SEC16A: variants seen among roughly 807,000 people sequenced by gnomAD.
The protein encoded by SEC16A is SEC16 homolog A, endoplasmic reticulum export factor, also known as protein transport protein Sec16A.
A neutral mutation model predicts 221.9 loss-of-function variants in SEC16A; 110 were observed. The ratio of observed to expected loss-of-function variants is 0.50; its 90% confidence interval spans 0.42 to 0.58. SEC16A has a LOEUF of 0.58. Ranked by LOEUF, SEC16A falls within the 20% of genes least tolerant of loss-of-function variation. SEC16A has a pLI of 0.00. For synonymous variants in SEC16A, 1,393 were observed against 1,257.7 expected (o/e 1.11, Z -2.28); for missense variants, 3,165 against 3,097.8 (o/e 1.02, Z -0.52).
upstream of SEC16A, chr9:136,483,653 A>T (rs1472936599): frequency 5.1e-6 from 5 of 985,588 alleles, no homozygotes; most frequent in Non-Finnish European, 6.0e-6. Flanking sequence ...TCAAGGCCAC[A>T]AGCGGGAAAT....
upstream of SEC16A, chr9:136,483,436 C>A: frequency 2.0e-5 from 15 of 741,978 alleles, no homozygotes; most frequent in South Asian, 6.0e-5. Flanking sequence ...GTTCCCGCCC[C>A]TTTGGCCCCG....
intron 22 of SEC16A, among the ~76,000 whole-genome samples, chr9:136,452,429 G>A (rs190300375): frequency 4.5e-4 from 50 of 110,242 alleles, no homozygotes; most frequent in African/African-American, 1.1e-3. Flanking sequence ...CAGGCTGGGC[G>A]ACAGAGAGAA....
chr9:136,466,612 A>C lies in SEC16A; in HGVS notation c.3930-150T>G. ...CGACACTCAGGGCCCTCTGACGTGC[A>C]ACGTTAGAGAAGTACTGCGAATGCG... is the stretch of plus-strand genomic sequence containing the variant. On this transcript the variant is annotated intron_variant, in intron 6 of 31. Coordinates refer to ENST00000684901, the MANE Select transcript of SEC16A (RefSeq NM_014866.2). The surrounding 1 kb of genome is among the most constrained non-coding windows in gnomAD (Gnocchi z 5.5). 1 of 744,396 alleles carries C rather than the reference A, an allele frequency of 1.3e-6. No individual in the cohort carries two copies. The highest frequency in any genetic ancestry group is 2.1e-6 in the Non-Finnish European group (1 of 467,408). 46.1% of individuals were successfully genotyped at this position (744,396 alleles called of 1,614,324 possible). A position where few individuals can be genotyped will look rare whatever the true frequency, so the allele number is the denominator to read the frequency against.
Position 136,475,585 on chromosome 9 carries a change from C to T in SEC16A, c.2031G>A (p.Leu677=), listed in dbSNP as rs2132903485. The T allele has an allele frequency of 1.9e-6, 3 of 1,613,508 alleles. No individual in the cohort carries two copies. The highest frequency in any genetic ancestry group is 4.5e-5 in the East Asian group (2 of 44,862). The change falls in exon 3 of 32, where the codon CTG becomes CTA. Residue 677 remains leucine (L), a synonymous_variant. Transcript: ENST00000684901. This position sits in a 1 kb window ranked among gnomAD's most constrained non-coding sequence, Gnocchi z 5.0. The part of the protein sequence containing the change: ...ETLCAPQVCP[L]PLNSTTEAVH... ...CAGCTTCCGTGGTGGAGTTAAGAGG[C>T]AGGGGACAGACCTGGGGTGCACAGA...
rs966638128 is a variant in SEC16A, at chr9:136,475,583, G to A, written c.2033C>T (p.Pro678Leu). 3.7e-6 allele frequency: 6 copies of A among 1,613,558 alleles called. No homozygotes were observed. Among genetic ancestry groups the A allele is most frequent in the Non-Finnish European group, 5.1e-6 (6 of 1,179,780 alleles). Reference protein sequence around the residue: ...TLCAPQVCPLPLNSTTEAVHM... With the variant: ...TLCAPQVCPLLLNSTTEAVHM... ...CACAGCTTCCGTGGTGGAGTTAAGAGGCAGGGGACAGACCTGGGGTGCACA... is the reference window on the plus strand; with the variant it reads ...CACAGCTTCCGTGGTGGAGTTAAGAAGCAGGGGACAGACCTGGGGTGCACA... Residue 678 changes from proline (P) to leucine (L), a missense_variant, in exon 3 of 32, where the codon CCT (proline) becomes CTT (leucine). Coordinates refer to ENST00000684901, the MANE Select transcript of SEC16A (RefSeq NM_014866.2). This position sits in a 1 kb window ranked among gnomAD's most constrained non-coding sequence, Gnocchi z 5.0.
intron 23 of SEC16A, among the ~76,000 whole-genome samples, chr9:136,450,014 G>A (rs941569174): frequency 6.6e-5 from 10 of 152,250 alleles, no homozygotes; most frequent in Non-Finnish European, 1.3e-4. Context: ...GACCAGCCTG[G>A]CCAACATGGT....
At chr9:136,483,152 C>T (rs1842633275), upstream of SEC16A, 2 of 346,276 alleles carry the variant, frequency 5.8e-6, no homozygotes, top group South Asian at 1.1e-4. Context: ...CGTTCTCTTT[C>T]AGCCCTTCAC....
rs1309161851 is a variant in SEC16A, at chr9:136,448,144, A to G, written c.6330T>C (p.Phe2110=). 2.5e-6 allele frequency: 4 copies of G among 1,613,654 alleles called. No homozygotes were observed. In the Admixed American group the frequency reaches 5.0e-5, roughly 20 times the overall value. The change falls in exon 24 of 32, where the codon TTT becomes TTC. Residue 2110 remains phenylalanine (F), a synonymous_variant. Transcript: ENST00000684901. The part of the protein sequence containing the change: ...KEPKKGESWF[F]RWLPGKKKTE... Reference sequence around the variant, plus strand: ...TCTTTTTCTTTCCAGGTAGCCAACGAAAGAACCAGGATTCACCCTAAATAT... The same window carrying G: ...TCTTTTTCTTTCCAGGTAGCCAACGGAAGAACCAGGATTCACCCTAAATAT...
chr9:136,468,927 A>G (rs1279757883), intron 4 of SEC16A, among the ~76,000 whole-genome samples: 1 of 152,092 alleles, frequency 6.6e-6, no homozygotes, highest in Admixed American at 6.6e-5. Context: ...TCAGCTTAAC[A>G]CAACCTCCAC....
intron 1 of SEC16A, among the ~76,000 whole-genome samples, chr9:136,481,129 C>CTTTTT (rs1000992506): frequency 1.6e-3 from 142 of 87,970 alleles, no homozygotes; most frequent in Non-Finnish European, 2.2e-3. Flanking sequence ...GAATTTTATT[C>CTTTTT]TTTTTTTTTT....
chr9:136,478,849 T>A lies in SEC16A; in HGVS notation c.-191-19A>T, dbSNP rs1359978221. ...ACGGTCTCTATTTTAAAAAAATAAA[T>A]AAATAAAAAGTGACACAATCATTTT... On this transcript the variant is annotated intron_variant, in intron 1 of 31. Coordinates refer to ENST00000684901, the MANE Select transcript of SEC16A (RefSeq NM_014866.2). 6.6e-6 allele frequency among the ~76,000 whole-genome samples: 1 copy of A among 152,110 alleles called. No homozygotes were observed. The highest frequency in any genetic ancestry group is 1.5e-5 in the Non-Finnish European group (1 of 67,996).
intron 12 of SEC16A, among the ~76,000 whole-genome samples, chr9:136,461,528 C>G (rs978873662): frequency 1.3e-5 from 2 of 152,198 alleles, no homozygotes; most frequent in Admixed American, 1.3e-4. Context: ...AACACAAGCA[C>G]GCTAATCACA....
intron 3 of SEC16A, among the ~76,000 whole-genome samples, chr9:136,472,398 C>T (rs1005449859): frequency 1.3e-5 from 2 of 152,242 alleles, no homozygotes; most frequent in African/African-American, 4.8e-5. Flanking sequence ...GTTCAGGAGA[C>T]CTCTGGATGG....
In SEC16A at chr9:136,459,059, C is replaced by G; in HGVS notation, c.5409+75G>C. Reference sequence around the variant, plus strand: ...TTTTTTCGATACCAATTCAAACAATCTAAGTAGCCAAAAGCTTGTTAGCAC... The same window carrying G: ...TTTTTTCGATACCAATTCAAACAATGTAAGTAGCCAAAAGCTTGTTAGCAC... On this transcript the variant is annotated intron_variant, in intron 17 of 31. Transcript: ENST00000684901. This position sits in a 1 kb window ranked among gnomAD's most constrained non-coding sequence, Gnocchi z 6.1. 4.7e-6 allele frequency: 5 copies of G among 1,066,398 alleles called. No homozygotes were observed. The highest frequency in any genetic ancestry group is 1.4e-6 in the Non-Finnish European group (1 of 736,958). The allele number at this position is 1,066,398 out of a possible 1,614,324, so 66.1% of individuals were successfully genotyped here.
chr9:136,446,265 C>T (rs116621587), intron 28 of SEC16A, among the ~76,000 whole-genome samples: 3,413 of 151,958 alleles, frequency 0.022, 166 homozygotes, highest in African/African-American at 0.077. Flanking sequence ...GCCACCACAC[C>T]CAGGTAAATT....
At chr9:136,443,504 G>A (rs1564448427) in intron 31 of SEC16A, among the ~76,000 whole-genome samples, 1 of 152,158 alleles carries the variant, frequency 6.6e-6, no homozygotes, top group South Asian at 2.1e-4. Flanking sequence ...AGGCAACAAG[G>A]TGAGACCGTC....
chr9:136,445,799 T>A, intron 28 of SEC16A, 80 bp from the exon 29 acceptor site: 1 of 1,234,406 alleles, frequency 8.1e-7, no homozygotes, highest in Non-Finnish European at 1.1e-6. Flanking sequence ...AATATGAAAC[T>A]GTTCTGGCCT....
At chr9:136,446,005 TAGAC>T (rs1241236629) in intron 28 of SEC16A, among the ~76,000 whole-genome samples, 2 of 152,064 alleles carry the variant, frequency 1.3e-5, no homozygotes, top group Non-Finnish European at 2.9e-5. Context: ...AACTGAGGCT[TAGAC>T]AGGTGAGTGA....
rs373213359 is a variant in SEC16A, at chr9:136,466,163, A to T, written c.4129-27T>A. 352 of 1,573,650 alleles carry T rather than the reference A, an allele frequency of 2.2e-4. 1 individual carries two copies. In the East Asian group the frequency reaches 4.8e-3, roughly 21 times the overall value. On this transcript the variant is annotated intron_variant, in intron 7 of 31. Coordinates refer to ENST00000684901, the MANE Select transcript of SEC16A (RefSeq NM_014866.2). This position sits in a 1 kb window ranked among gnomAD's most constrained non-coding sequence, Gnocchi z 5.5. ...TTAGAAAACAAAGCAAACGGGCAAA[A>T]TCAATTCCCCAGGCACAGCAGTAAA...
Sources: allele counts gnomAD v4.1 joint callset (sites outside exome capture counted in the v4.1 genomes callset), GRCh38; gene constraint gnomAD v4.1.1; non-coding constraint Gnocchi (gnomAD v3.1); transcripts MANE v1.5; gene names NCBI Gene and HGNC (gene_info 2026-07-23, HGNC 2026-07-21).